Variants in TRERF1 observed in about 807,000 individuals in gnomAD.
TRERF1 encodes the protein transcriptional-regulating factor 1.
A neutral mutation model predicts 122.9 loss-of-function variants in TRERF1; 27 were observed. The ratio of observed to expected loss-of-function variants is 0.22; its 90% CI spans 0.16 to 0.30. The LOEUF (loss-of-function observed/expected upper bound fraction) is 0.30, where lower values mean the gene tolerates loss of function less well. TRERF1 is among the 10% of genes least tolerant of loss of function. The pLI, the probability that TRERF1 is intolerant of heterozygous loss-of-function variation, is 1.00. For synonymous variants in TRERF1, 636 were observed against 641.7 expected, an observed-to-expected ratio of 0.99 and a Z score of 0.13; for missense variants, 1,248 against 1,560.3, an observed-to-expected ratio of 0.80 and a Z score of 3.37.
chr6:42,442,611 A>G (rs1313100838), intron 2 of TRERF1, among the ~76,000 whole-genome samples: 1 of 152,260 alleles, frequency 6.6e-6, no homozygotes, highest in African/African-American at 2.4e-5. Flanking sequence ...AGGCAGCCTT[A>G]AAGCTTTGTG....
At chr6:42,287,971 A>G (rs1783571181) in intron 4 of TRERF1, among the ~76,000 whole-genome samples, 1 of 151,974 alleles carries the variant, frequency 6.6e-6, no homozygotes, top group Non-Finnish European at 1.5e-5. Flanking sequence ...CACCTGTCCT[A>G]TGAAGCCACA....
chr6:42,333,124 T>C (rs1025482786), intron 3 of TRERF1, among the ~76,000 whole-genome samples: 16 of 152,214 alleles, frequency 1.1e-4, no homozygotes, highest in African/African-American at 3.9e-4. Flanking sequence ...AAAGCACACA[T>C]TCATCGGTTA....
rs1455586580 is a variant in TRERF1 at position 42,275,046 on chromosome 6, A to G, written c.-258-5198T>C. Among the ~76,000 whole-genome samples the G allele has an allele frequency of 6.6e-6, 1 of 152,258 alleles. No homozygotes were observed. The highest frequency in any genetic ancestry group is 2.4e-5 in the African/African-American group (1 of 41,470). ...CCTAGAGACACTTTATGCTCATACA[A>G]GAACACTAATGCACAGCCCGTCTTA... On this transcript the variant is annotated intron_variant, in intron 4 of 17. Transcript: ENST00000372922. The surrounding 1 kb of genome is among the most constrained non-coding windows in gnomAD (Gnocchi z 4.1).
At chr6:42,322,906 A>T (rs1763677361) in intron 3 of TRERF1, among the ~76,000 whole-genome samples, 1 of 152,038 alleles carries the variant, frequency 6.6e-6, no homozygotes, top group African/African-American at 2.4e-5. Context: ...CTGGAAGGTA[A>T]AGTAAAGGAG....
At chr6:42,328,885 T>G (rs1764761469) in intron 3 of TRERF1, among the ~76,000 whole-genome samples, 3 of 151,960 alleles carry the variant, frequency 2.0e-5, no homozygotes, top group Admixed American at 1.3e-4. Context: ...CTGAGAGAAA[T>G]TTACCAGCAT....
chr6:42,374,226 G>T (rs557843276), intron 2 of TRERF1, among the ~76,000 whole-genome samples: 1 of 152,192 alleles, frequency 6.6e-6, no homozygotes, highest in African/African-American at 2.4e-5. Context: ...GCCGGGGGCG[G>T]GTGTGTGCAG....
At chr6:42,321,395 G>C (rs1026388631) in intron 3 of TRERF1, among the ~76,000 whole-genome samples, 3 of 151,346 alleles carry the variant, frequency 2.0e-5, no homozygotes, top group African/African-American at 7.3e-5. Flanking sequence ...CAACTGGCTA[G>C]AGAGTTTGAG....
intron 3 of TRERF1, among the ~76,000 whole-genome samples, chr6:42,301,842 T>C (rs116703952): frequency 1.4e-4 from 21 of 152,320 alleles, no homozygotes; most frequent in African/African-American, 4.8e-4. Context: ...GATGTCTAGC[T>C]GATATGTTCA....
At chr6:42,293,221 G>C (rs749432483) in intron 4 of TRERF1, among the ~76,000 whole-genome samples, 1 of 152,198 alleles carries the variant, frequency 6.6e-6, no homozygotes, top group Non-Finnish European at 1.5e-5. Context: ...GTTTGTGGGG[G>C]ACACTCTCAT....
At chr6:42,383,140 T>C (rs1188069020) in intron 2 of TRERF1, among the ~76,000 whole-genome samples, 1 of 152,096 alleles carries the variant, frequency 6.6e-6, no homozygotes, top group Non-Finnish European at 1.5e-5. Flanking sequence ...AGGATTGCTT[T>C]AGCTCAGGAG....
rs573590027 is a variant in TRERF1 at position 42,422,837 on chromosome 6, G to A, written c.-454+28340C>T. ...ACAGCCTCAGCTCAAGCAGCCTGGC[G>A]TGAGCATCTTTTTTTTTTTGAGATG... On this transcript the variant is annotated intron_variant, in intron 2 of 17. Transcript: ENST00000372922. Among the ~76,000 whole-genome samples the A allele has an allele frequency of 1.1e-4, 16 of 151,056 alleles. No homozygotes were observed. The East Asian group carries it at 2.4e-3, about 22-fold the overall frequency.
intron 2 of TRERF1, among the ~76,000 whole-genome samples, chr6:42,376,726 A>G (rs771897573): frequency 1.3e-5 from 2 of 151,060 alleles, no homozygotes; most frequent in Non-Finnish European, 2.9e-5. Context: ...TATTTTTAGT[A>G]GAGACGGGGT....
chr6:42,376,903 T>C (rs1004303379), intron 2 of TRERF1, among the ~76,000 whole-genome samples: 6 of 149,118 alleles, frequency 4.0e-5, no homozygotes, highest in African/African-American at 1.5e-4. Context: ...TTTGCTCTTG[T>C]CACCCAGGCT....
intron 2 of TRERF1, among the ~76,000 whole-genome samples, chr6:42,369,051 G>C (rs1480733902): frequency 6.6e-6 from 1 of 152,112 alleles, no homozygotes; most frequent in Non-Finnish European, 1.5e-5. Context: ...AGTCTGGAGT[G>C]GGGCTCTGAC....
intron 5 of TRERF1, among the ~76,000 whole-genome samples, chr6:42,267,342 A>C (rs1779392420): frequency 6.6e-6 from 1 of 152,024 alleles, no homozygotes; most frequent in Non-Finnish European, 1.5e-5. Flanking sequence ...TAAAAAAAGA[A>C]AAAAGGGGCC....
intron 3 of TRERF1, among the ~76,000 whole-genome samples, chr6:42,339,520 T>G (rs1323321975): frequency 1.3e-5 from 2 of 152,226 alleles, no homozygotes; most frequent in Non-Finnish European, 2.9e-5. Flanking sequence ...AGCTACGAAT[T>G]GTACCCAAAG....
At chr6:42,384,686 GTGCA>G (rs1310806812) in intron 2 of TRERF1, among the ~76,000 whole-genome samples, 9 of 152,202 alleles carry the variant, frequency 5.9e-5, no homozygotes, top group Non-Finnish European at 1.0e-4. Context: ...ACCACCATGT[GTGCA>G]TGCATGCAAC....
At chr6:42,270,768 CT>C (rs1175342905) in intron 4 of TRERF1, among the ~76,000 whole-genome samples, 2,660 of 119,578 alleles carry the variant, frequency 0.022, 62 homozygotes, top group African/African-American at 0.072. Flanking sequence ...GACCTCATCT[CT>C]TTTTTTTTTT....
chr6:42,322,960 C>G (rs1763687582), intron 3 of TRERF1, among the ~76,000 whole-genome samples: 1 of 151,824 alleles, frequency 6.6e-6, no homozygotes, highest in Non-Finnish European at 1.5e-5. Context: ...CAGGCCACAG[C>G]AGGGCAGAGA....
Sources: allele counts gnomAD v4.1 joint callset (sites outside exome capture counted in the v4.1 genomes callset), GRCh38; gene constraint gnomAD v4.1.1; non-coding constraint Gnocchi (gnomAD v3.1); transcripts MANE v1.5; gene names NCBI Gene and HGNC (gene_info 2026-07-23, HGNC 2026-07-21).